The following EXOC6B variants were observed in gnomAD, a reference collection of about 807,000 sequenced individuals.
EXOC6B encodes SEC15 homolog B.
A neutral mutation model predicts 113.5 loss-of-function variants in EXOC6B; 54 were observed. The ratio of observed to expected loss-of-function variants is 0.48; its 90% CI spans 0.38 to 0.60. The LOEUF is 0.60. Among genes scored for constraint, EXOC6B ranks in the 20% least tolerant of loss-of-function variants. The pLI is 0.00. For synonymous variants in EXOC6B, 357 were observed against 339.0 expected, an observed-to-expected ratio of 1.05 and a Z score of -0.58; for missense variants, 797 against 977.5, an observed-to-expected ratio of 0.82 and a Z score of 2.46.
chr2:72,355,419 G>C (rs922960964), intron 19 of EXOC6B, among the ~76,000 whole-genome samples: 2 of 152,128 alleles, frequency 1.3e-5, no homozygotes, highest in Non-Finnish European at 2.9e-5. Flanking sequence ...ATTTCCAGTA[G>C]AGAATGAAAG....
intron 20 of EXOC6B, among the ~76,000 whole-genome samples, chr2:72,315,312 A>C (rs781332458): frequency 2.0e-5 from 3 of 151,928 alleles, no homozygotes; most frequent in Admixed American, 2.0e-4. Flanking sequence ...TAACTGAGGA[A>C]AAAGTAGTCA....
At chr2:72,516,326 C>A (rs1233342035) in intron 8 of EXOC6B, among the ~76,000 whole-genome samples, 1 of 152,198 alleles carries the variant, frequency 6.6e-6, no homozygotes, top group South Asian at 2.1e-4. Flanking sequence ...CGGCTCACTG[C>A]AACCTCTGCC....
chr2:72,551,166 T>C (rs114867545), intron 8 of EXOC6B, among the ~76,000 whole-genome samples: 3,947 of 152,190 alleles, frequency 0.026, 168 homozygotes, highest in Admixed American at 0.11. Flanking sequence ...TACTCATGAG[T>C]CACCACTGGA....
intron 1 of EXOC6B, among the ~76,000 whole-genome samples, chr2:72,743,105 C>T (rs1681437248): frequency 6.6e-6 from 1 of 152,150 alleles, no homozygotes; most frequent in Non-Finnish European, 1.5e-5. Context: ...CATACCCTAT[C>T]CAATACATTA....
At chr2:72,800,159 T>A (rs1421106838) in intron 1 of EXOC6B, among the ~76,000 whole-genome samples, 2 of 152,146 alleles carry the variant, frequency 1.3e-5, no homozygotes, top group East Asian at 3.8e-4. Context: ...AAAAGTAAAA[T>A]GCATAAATGT....
intron 20 of EXOC6B, among the ~76,000 whole-genome samples, chr2:72,278,188 C>G (rs1391010658): frequency 1.3e-5 from 2 of 152,174 alleles, no homozygotes; most frequent in Non-Finnish European, 2.9e-5. Context: ...TCCTTCTCTT[C>G]CTCACTCTGC....
chr2:72,305,428 TC>T (rs1284033244), intron 20 of EXOC6B, among the ~76,000 whole-genome samples: 3 of 152,120 alleles, frequency 2.0e-5, no homozygotes, highest in Non-Finnish European at 2.9e-5. Flanking sequence ...TATCTAGTTG[TC>T]CCTTGTAAAC....
intron 18 of EXOC6B, among the ~76,000 whole-genome samples, chr2:72,430,576 G>A (rs552267801): frequency 6.6e-6 from 1 of 152,304 alleles, no homozygotes; most frequent in South Asian, 2.1e-4. Flanking sequence ...GAACCTGGGA[G>A]GCAGAGGTTT....
At chr2:72,683,489 A>C (rs1276602191) in intron 6 of EXOC6B, among the ~76,000 whole-genome samples, 3 of 152,164 alleles carry the variant, frequency 2.0e-5, no homozygotes, top group Non-Finnish European at 4.4e-5. Context: ...AAATATATAT[A>C]TATAGACATG....
At chr2:72,405,913 G>A (rs992527757) in intron 18 of EXOC6B, among the ~76,000 whole-genome samples, 2 of 152,118 alleles carry the variant, frequency 1.3e-5, no homozygotes, top group African/African-American at 2.4e-5. Flanking sequence ...CTGGCAAATT[G>A]GATAAAGAGT....
chr2:72,316,963 A>G (rs1687549161), intron 20 of EXOC6B, among the ~76,000 whole-genome samples: 2 of 152,198 alleles, frequency 1.3e-5, no homozygotes, highest in Non-Finnish European at 1.5e-5. Context: ...CCTAAAGCTT[A>G]CCCAGCTTTG....
intron 11 of EXOC6B, among the ~76,000 whole-genome samples, chr2:72,504,359 TAATC>T (rs745753113): frequency 1.3e-5 from 2 of 152,334 alleles, no homozygotes; most frequent in Admixed American, 6.5e-5. Context: ...TACTGAGACT[TAATC>T]AATATTTTTT....
intron 20 of EXOC6B, among the ~76,000 whole-genome samples, chr2:72,294,543 T>C (rs1467951504): frequency 6.6e-6 from 1 of 152,150 alleles, no homozygotes; most frequent in Non-Finnish European, 1.5e-5. Flanking sequence ...CACTTTTTGA[T>C]ATTAAAGTCT....
intron 6 of EXOC6B, among the ~76,000 whole-genome samples, chr2:72,633,389 T>C (rs1672612483): frequency 6.6e-6 from 1 of 152,168 alleles, no homozygotes; most frequent in African/African-American, 2.4e-5. Flanking sequence ...TTAGGCAGGA[T>C]CATACAATGT....
At chr2:72,228,788 G>C (rs62147591) in intron 20 of EXOC6B, among the ~76,000 whole-genome samples, 2 of 152,106 alleles carry the variant, frequency 1.3e-5, no homozygotes, top group Non-Finnish European at 2.9e-5. Flanking sequence ...CCCAGTAATG[G>C]GATGGCTGGG....
intron 1 of EXOC6B, among the ~76,000 whole-genome samples, chr2:72,769,708 A>G (rs958539527): frequency 1.7e-4 from 26 of 152,336 alleles, no homozygotes; most frequent in Admixed American, 1.7e-3. Context: ...GCTACTCGAG[A>G]GGCTGAGACA....
chr2:72,331,644 C>T (rs1487456420), intron 20 of EXOC6B, among the ~76,000 whole-genome samples: 2 of 152,050 alleles, frequency 1.3e-5, no homozygotes, highest in African/African-American at 4.8e-5. Flanking sequence ...ATAGAAAACA[C>T]AAAGTGTTAA....
chr2:72,789,939 C>A (rs923518022), intron 1 of EXOC6B, among the ~76,000 whole-genome samples: 7 of 152,292 alleles, frequency 4.6e-5, no homozygotes, highest in East Asian at 1.9e-4. Context: ...TCTACACCAT[C>A]TAATTCATAG....
rs532016035 is a variant in EXOC6B at position 72,230,091 on chromosome 2, G to GA, written c.2197-45905dup. Reference sequence around the variant, plus strand: ...AGTACATTCACAAGAGTCTCTGTGGGAAAAAAAAAGGGTTCTGCAACTAGT... The same window carrying GA: ...AGTACATTCACAAGAGTCTCTGTGGGAAAAAAAAAAGGGTTCTGCAACTAGT... On this transcript the variant is annotated intron_variant, in intron 20 of 21. Transcript: ENST00000272427. Among the ~76,000 whole-genome samples the GA allele has an allele frequency of 6.5e-3, 970 of 150,100 alleles. 5 individuals are homozygous for GA. Among genetic ancestry groups the GA allele is most frequent in the African/African-American group, 0.013 (520 of 40,990 alleles).
Sources: allele counts gnomAD v4.1 joint callset (sites outside exome capture counted in the v4.1 genomes callset), GRCh38; gene constraint gnomAD v4.1.1; transcripts MANE v1.5; gene names NCBI Gene and HGNC (gene_info 2026-07-23, HGNC 2026-07-21).